CACNA2D3: variants seen among roughly 807,000 people sequenced by gnomAD.
CACNA2D3 encodes the protein voltage-dependent calcium channel subunit alpha-2/delta-3.
Under a neutral mutation model 160.6 loss-of-function variants are expected in CACNA2D3, and 60 were observed. The ratio of observed to expected loss-of-function variants is 0.37; its 90% CI spans 0.30 to 0.46. The LOEUF (loss-of-function observed/expected upper bound fraction) is 0.46. Ranked by LOEUF, CACNA2D3 falls within the 20% of genes least tolerant of loss-of-function variation. The pLI is 1.00. For missense variants in CACNA2D3, 1,205 were observed against 1,365.0 expected, an observed-to-expected ratio of 0.88 and a Z score of 1.85; for synonymous variants, 558 against 492.9, an observed-to-expected ratio of 1.13 and a Z score of -1.75.
chr3:54,711,994 TGAGTAG>T (rs996914957), intron 11 of CACNA2D3, among the ~76,000 whole-genome samples: 69 of 152,296 alleles, frequency 4.5e-4, no homozygotes, highest in African/African-American at 1.6e-3. Context: ...GAGACAATTT[TGAGTAG>T]GAGGAGGAGC....
chr3:54,456,503 A>C (rs1344007236), intron 4 of CACNA2D3, among the ~76,000 whole-genome samples: 1 of 151,892 alleles, frequency 6.6e-6, no homozygotes, highest in African/African-American at 2.4e-5. Flanking sequence ...GATCATCTGC[A>C]AACAGATTCT....
In CACNA2D3 at chr3:54,686,781, TA is replaced by T. The variant is rs1333674169; in HGVS notation, c.1167+44547del. On this transcript the variant is annotated intron_variant, in intron 11 of 37. Coordinates refer to ENST00000474759, the MANE Select transcript of CACNA2D3 (RefSeq NM_018398.3). ...ATGGCTTTTTGGCAATTGCTGTGAT[TA>T]AAAAAACAAGTATTATGGAAAAATT... Among the ~76,000 whole-genome samples, 3 of 152,236 alleles carry T rather than the reference TA, an allele frequency of 2.0e-5. No homozygotes were observed. In the East Asian group the frequency reaches 5.8e-4, roughly 29 times the overall value.
At chr3:55,011,819 AAAAG>A (rs1360571285) in intron 34 of CACNA2D3, among the ~76,000 whole-genome samples, 1 of 152,216 alleles carries the variant, frequency 6.6e-6, no homozygotes, top group East Asian at 1.9e-4. Context: ...ATGATTTGAA[AAAAG>A]AAAGATGAGG....
chr3:54,389,000 A>G (rs1562683), intron 4 of CACNA2D3, among the ~76,000 whole-genome samples: 1,911 of 144,062 alleles, frequency 0.013, 45 homozygotes, highest in African/African-American at 0.046. Flanking sequence ...AAACAGATAG[A>G]TAGATTAAAA....
At chr3:54,926,171 A>G (rs1701009893) in intron 27 of CACNA2D3, among the ~76,000 whole-genome samples, 2 of 152,168 alleles carry the variant, frequency 1.3e-5, no homozygotes, top group South Asian at 4.2e-4. Context: ...AAAAACAATC[A>G]TTAGTAATGA....
At chr3:54,218,988 A>G (rs1701515328) in intron 2 of CACNA2D3, among the ~76,000 whole-genome samples, 1 of 152,136 alleles carries the variant, frequency 6.6e-6, no homozygotes, top group South Asian at 2.1e-4. Context: ...CTCTTTTTTC[A>G]TGTAATATTA....
At chr3:54,204,373 CCG>C (rs1701233424) in intron 2 of CACNA2D3, among the ~76,000 whole-genome samples, 2 of 130,218 alleles carry the variant, frequency 1.5e-5, no homozygotes, top group Non-Finnish European at 3.1e-5. Flanking sequence ...TTTCTGTTTT[CCG>C]GAGAACCTTG....
chr3:54,724,065 G>A (rs1016653884), intron 11 of CACNA2D3, among the ~76,000 whole-genome samples: 3 of 152,136 alleles, frequency 2.0e-5, no homozygotes, highest in African/African-American at 7.2e-5. Context: ...ATGAAGGGAT[G>A]GAGGAATTTT....
chr3:54,195,925 A>T (rs1440420289), intron 2 of CACNA2D3, among the ~76,000 whole-genome samples: 1 of 152,222 alleles, frequency 6.6e-6, no homozygotes, highest in African/African-American at 2.4e-5. Flanking sequence ...CTAAACACAC[A>T]TTTTACAATT....
intron 35 of CACNA2D3, among the ~76,000 whole-genome samples, chr3:55,050,464 G>T (rs921918576): frequency 6.6e-6 from 1 of 151,178 alleles, no homozygotes. Context: ...AGTTTCTGCC[G>T]AGAGATCCGC....
chr3:54,867,176 G>C (rs762641446), intron 17 of CACNA2D3, among the ~76,000 whole-genome samples: 32 of 152,308 alleles, frequency 2.1e-4, no homozygotes, highest in Admixed American at 7.8e-4. Context: ...GTGGAGCCGA[G>C]GGACCTGGGA....
intron 35 of CACNA2D3, among the ~76,000 whole-genome samples, chr3:55,051,088 C>G: frequency 6.7e-6 from 1 of 149,252 alleles, no homozygotes; most frequent in East Asian, 1.9e-4. Flanking sequence ...TTGTCTGAAG[C>G]CTTCTTCTCT....
chr3:54,735,648 C>G (rs1464971842), intron 11 of CACNA2D3, among the ~76,000 whole-genome samples: 4 of 152,098 alleles, frequency 2.6e-5, no homozygotes, highest in Non-Finnish European at 5.9e-5. Context: ...TGCTTCTACT[C>G]TTAAGCATCT....
intron 2 of CACNA2D3, among the ~76,000 whole-genome samples, chr3:54,298,944 TAAAAAA>T (rs59100168): frequency 2.0e-5 from 2 of 99,250 alleles, no homozygotes; most frequent in Non-Finnish European, 3.9e-5. Flanking sequence ...CTCTGTTTCT[TAAAAAA>T]AAAAAAAAAA....
At chr3:54,927,830 G>C in intron 27 of CACNA2D3, 1 of 1,475,914 alleles carries the variant, frequency 6.8e-7, no homozygotes. Flanking sequence ...TAGATTTCCC[G>C]CAGATACCTT....
At chr3:54,391,078 TC>T (rs1446425649) in intron 4 of CACNA2D3, among the ~76,000 whole-genome samples, 2 of 152,148 alleles carry the variant, frequency 1.3e-5, no homozygotes, top group African/African-American at 4.8e-5. Flanking sequence ...GCTTCCGTCT[TC>T]CCAAAACAGA....
chr3:55,003,935 G>A (rs1575431104), intron 31 of CACNA2D3, among the ~76,000 whole-genome samples: 1 of 152,270 alleles, frequency 6.6e-6, no homozygotes, highest in East Asian at 1.9e-4. Flanking sequence ...GAGCAAGGTC[G>A]GAGAAACTTT....
chr3:54,143,062 A>C (rs1381012258), intron 2 of CACNA2D3, among the ~76,000 whole-genome samples: 2 of 152,234 alleles, frequency 1.3e-5, no homozygotes, highest in Non-Finnish European at 2.9e-5. Flanking sequence ...TCTTTGCTCC[A>C]GAATTTGTTC....
intron 17 of CACNA2D3, among the ~76,000 whole-genome samples, chr3:54,857,885 C>A (rs1206420335): frequency 6.6e-6 from 1 of 152,112 alleles, no homozygotes; most frequent in Non-Finnish European, 1.5e-5. Context: ...CTTGGAGAAT[C>A]CACATTTGCT....
Sources: gnomAD v4.1 joint callset for allele counts (sites outside exome capture counted in the v4.1 genomes callset) on GRCh38, gnomAD v4.1.1 for gene constraint, MANE v1.5 for transcripts, NCBI Gene and HGNC (gene_info 2026-07-23, HGNC 2026-07-21) for gene names.